Variants in NDRG2 observed in about 807,000 individuals in gnomAD.
NDRG2 encodes protein NDRG2.
In NDRG2, 34 loss-of-function variants were observed where a neutral mutation model predicts 58.2. The ratio of observed to expected loss-of-function variants is 0.58; its 90% CI spans 0.44 to 0.78. NDRG2 has a LOEUF of 0.78. Ranked by LOEUF, NDRG2 falls within the 30% of genes least tolerant of loss-of-function variation. NDRG2 has a pLI of 0.00. For missense variants in NDRG2, 434 were observed against 471.2 expected (o/e 0.92, Z 0.73); for synonymous variants, 187 against 175.9 (o/e 1.06, Z -0.50).
At chr14:21,033,005 G>A (rs1884339257) in intron 1 of NDRG2, 4 of 455,614 alleles carry the variant, frequency 8.8e-6, no homozygotes, top group South Asian at 6.2e-5. Flanking sequence ...GCCTGGTCAG[G>A]GGCAGACTCT....
chr14:21,051,517 T>G (rs534173442), intron 1 of NDRG2, among the ~76,000 whole-genome samples: 1 of 152,258 alleles, frequency 6.6e-6, no homozygotes, highest in South Asian at 2.1e-4. Context: ...GGTTGAAGAC[T>G]ACATCCTCTC....
chr14:21,022,233 T>C, intron 4 of NDRG2, 51 bp from the exon 5 acceptor site: 1 of 1,613,376 alleles, frequency 6.2e-7, no homozygotes, highest in Non-Finnish European at 8.5e-7. Context: ...GGGACTCGTG[T>C]CCCCCAGTCA....
rs117124807 is a variant in NDRG2 at position 21,055,369 on chromosome 14, A to G, written c.24+15459T>C. 5.1e-4 allele frequency among the ~76,000 whole-genome samples: 78 copies of G among 152,320 alleles called. No homozygotes were observed. In the East Asian group the frequency reaches 7.3e-3, roughly 14 times the overall value. On this transcript the variant is annotated intron_variant, in intron 1 of 14. Coordinates refer to the NDRG2 transcript ENST00000403829. ...AAGTAAATATTTTTTATTTGATTCTATATTTGACTTTTCCTGTATTGGAGC... is the reference window on the plus strand; with the variant it reads ...AAGTAAATATTTTTTATTTGATTCTGTATTTGACTTTTCCTGTATTGGAGC...
chr14:21,037,523 G>A (rs1052188968), intron 1 of NDRG2, among the ~76,000 whole-genome samples: 2 of 152,242 alleles, frequency 1.3e-5, no homozygotes, highest in Non-Finnish European at 2.9e-5. Context: ...TCACAACCAG[G>A]AGTTGCTACT....
intron 1 of NDRG2, chr14:21,031,888 G>A (rs1370394182): frequency 6.2e-7 from 1 of 1,611,914 alleles, no homozygotes; most frequent in Non-Finnish European, 8.5e-7. Context: ...TCCCTGGCTT[G>A]CAGAAAGCAA....
intron 1 of NDRG2, among the ~76,000 whole-genome samples, chr14:21,063,218 ATGTG>A (rs1311970007): frequency 1.3e-5 from 2 of 149,744 alleles, no homozygotes; most frequent in Admixed American, 6.6e-5. Flanking sequence ...AGTGGTGTGT[ATGTG>A]TGTGTGTGTA....
chr14:21,039,483 C>CT (rs1884794914), intron 1 of NDRG2, among the ~76,000 whole-genome samples: 1 of 152,196 alleles, frequency 6.6e-6, no homozygotes, highest in African/African-American at 2.4e-5. Context: ...CTGAACCAGT[C>CT]CCTGGCCTGA....
At chr14:21,019,025 C>T in intron 11 of NDRG2, 91 bp downstream of exon 11, 1 of 1,426,126 alleles carries the variant, frequency 7.0e-7, no homozygotes, top group Non-Finnish European at 9.6e-7. Flanking sequence ...CAAGGAAGTT[C>T]CCTGGCAAAA....
At chr14:21,035,396 G>T (rs1566491660) in intron 1 of NDRG2, among the ~76,000 whole-genome samples, 1 of 152,222 alleles carries the variant, frequency 6.6e-6, no homozygotes, top group Non-Finnish European at 1.5e-5. Flanking sequence ...GGTTTGCCAT[G>T]CTGGGGAAAG....
At chr14:21,061,671 T>C (rs1885969454) in intron 1 of NDRG2, among the ~76,000 whole-genome samples, 1 of 152,218 alleles carries the variant, frequency 6.6e-6, no homozygotes, top group African/African-American at 2.4e-5. Context: ...TGGGTAAGTA[T>C]GTTCTAACAT....
At chr14:21,040,741 C>T (rs1034300079) in intron 1 of NDRG2, among the ~76,000 whole-genome samples, 7 of 152,194 alleles carry the variant, frequency 4.6e-5, no homozygotes, top group South Asian at 2.1e-4. Flanking sequence ...CTAGTCTCTT[C>T]ACTTGGAACA....
upstream of NDRG2, chr14:21,030,627 G>A (rs912525450): frequency 6.2e-7 from 1 of 1,614,052 alleles, no homozygotes; most frequent in Non-Finnish European, 8.5e-7. Context: ...TGCTGCGTTT[G>A]GAGAATCATC....
intron 1 of NDRG2, among the ~76,000 whole-genome samples, chr14:21,063,214 GTGTA>G (rs1213879325): frequency 6.6e-6 from 1 of 151,974 alleles, no homozygotes; most frequent in Non-Finnish European, 1.5e-5. Context: ...TAAAAGTGGT[GTGTA>G]TGTGTGTGTG....
At chr14:21,040,762 G>A (rs74540097) in intron 1 of NDRG2, among the ~76,000 whole-genome samples, 2,585 of 152,230 alleles carry the variant, frequency 0.017, 81 homozygotes, top group African/African-American at 0.06. Context: ...TTCTTCCTCC[G>A]GATAATCACA....
intron 1 of NDRG2, chr14:21,043,677 C>G: frequency 1.9e-6 from 1 of 539,718 alleles, no homozygotes; most frequent in East Asian, 3.2e-5. Context: ...ATGCTTATCC[C>G]CAAGAAACAG....
intron 1 of NDRG2, chr14:21,032,549 G>A: frequency 2.9e-6 from 1 of 346,798 alleles, no homozygotes; most frequent in South Asian, 2.1e-5. Flanking sequence ...GGTTTTTTGG[G>A]TGGAGGAGTA....
chr14:21,054,943 T>G (rs1447710701), intron 1 of NDRG2, among the ~76,000 whole-genome samples: 1 of 152,218 alleles, frequency 6.6e-6, no homozygotes, highest in Non-Finnish European at 1.5e-5. Context: ...CTCCTGCTGC[T>G]GCTGTACAGC....
chr14:21,045,012 C>A (rs969556188), intron 1 of NDRG2, among the ~76,000 whole-genome samples: 1 of 152,184 alleles, frequency 6.6e-6, no homozygotes, highest in Non-Finnish European at 1.5e-5. Context: ...AAATAGGATT[C>A]CAGGTAAAGA....
rs186973954 is a variant in NDRG2, at chr14:21,070,385, C to A, written c.24+443G>T. Reference sequence around the variant, plus strand: ...GCCCGACCAAGCGTCGGACGCGGCCCGGCGCCGAGCCATGGTGAGTCCAGC... The same window carrying A: ...GCCCGACCAAGCGTCGGACGCGGCCAGGCGCCGAGCCATGGTGAGTCCAGC... On this transcript the variant is annotated intron_variant, in intron 1 of 14. Transcript: ENST00000403829. This position sits in a 1 kb window ranked among gnomAD's most constrained non-coding sequence, Gnocchi z 4.7. 5,017 of 1,410,844 alleles carry A rather than the reference C, an allele frequency of 3.6e-3. 161 individuals carry two copies. In the African/African-American group the frequency reaches 0.067, roughly 19 times the overall value. The allele number at this position is 1,410,844 out of a possible 1,614,324, so 87.4% of individuals were successfully genotyped here.
Sources: allele counts gnomAD v4.1 joint callset (sites outside exome capture counted in the v4.1 genomes callset), GRCh38; gene constraint gnomAD v4.1.1; non-coding constraint Gnocchi (gnomAD v3.1); transcripts MANE v1.5; gene names NCBI Gene and HGNC (gene_info 2026-07-23, HGNC 2026-07-21).